CTNND2: variants seen among roughly 807,000 people sequenced by gnomAD.
The protein encoded by CTNND2 is catenin delta-2.
In CTNND2, 22 loss-of-function variants were observed where a neutral mutation model predicts 144.4. The observed-to-expected ratio is 0.15, with a 90% CI of 0.11 to 0.22. The LOEUF is 0.22. Among genes scored for constraint, CTNND2 ranks in the 10% least tolerant of loss-of-function variants. The probability of loss-of-function intolerance (pLI) is 1.00; values close to 1 mark genes in which losing one functional copy is unlikely to be tolerated. For synonymous variants in CTNND2, 751 were observed against 695.6 expected (o/e 1.08, Z -1.25); for missense variants, 1,353 against 1,618.8 (o/e 0.84, Z 2.82).
At chr5:11,664,043 G>C (rs2126578834) in intron 2 of CTNND2, among the ~76,000 whole-genome samples, 1 of 152,214 alleles carries the variant, frequency 6.6e-6, no homozygotes, top group South Asian at 2.1e-4. Context: ...CAAAGCTACA[G>C]GGAACTTAAC....
intron 1 of CTNND2, among the ~76,000 whole-genome samples, chr5:11,823,370 T>G (rs925219203): frequency 6.6e-6 from 1 of 152,214 alleles, no homozygotes; most frequent in African/African-American, 2.4e-5. Flanking sequence ...ACGAATTGTA[T>G]TGACTCAAAT....
At chr5:11,493,051 A>G (rs2149996561) in intron 3 of CTNND2, among the ~76,000 whole-genome samples, 1 of 152,278 alleles carries the variant, frequency 6.6e-6, no homozygotes, top group Non-Finnish European at 1.5e-5. Flanking sequence ...ACAGAGCTGC[A>G]GTGAGCCCAG....
chr5:11,779,913 G>C (rs1279839751), intron 1 of CTNND2, among the ~76,000 whole-genome samples: 2 of 152,132 alleles, frequency 1.3e-5, no homozygotes, highest in Non-Finnish European at 2.9e-5. Context: ...AGCACACACG[G>C]TAAAGCAAGG....
chr5:11,104,111 C>G (rs1752179883), intron 14 of CTNND2, among the ~76,000 whole-genome samples: 1 of 152,210 alleles, frequency 6.6e-6, no homozygotes, highest in African/African-American at 2.4e-5. Flanking sequence ...GCTGGCTTCA[C>G]CAGCGGAATG....
At chr5:11,347,374 T>C (rs530239633) in intron 8 of CTNND2, among the ~76,000 whole-genome samples, 2 of 152,350 alleles carry the variant, frequency 1.3e-5, no homozygotes, top group African/African-American at 4.8e-5. Flanking sequence ...ATCTTCTCAA[T>C]GTGTCTAAAT....
intron 3 of CTNND2, among the ~76,000 whole-genome samples, chr5:11,421,392 C>T (rs1419534426): frequency 1.3e-5 from 2 of 152,196 alleles, no homozygotes; most frequent in East Asian, 1.9e-4. Context: ...CCACTGAATA[C>T]AGCTTGCTCT....
At chr5:11,730,299 AT>A (rs1199376922) in intron 2 of CTNND2, among the ~76,000 whole-genome samples, 1 of 152,054 alleles carries the variant, frequency 6.6e-6, no homozygotes, top group South Asian at 2.1e-4. Flanking sequence ...TACAGTTACC[AT>A]TTTTTTCCCT....
At chr5:11,687,377 G>A (rs900405292) in intron 2 of CTNND2, among the ~76,000 whole-genome samples, 1 of 152,248 alleles carries the variant, frequency 6.6e-6, no homozygotes. Flanking sequence ...CATTTCCAGG[G>A]CCCCAGATAA....
chr5:11,605,282 A>C (rs1382229519), intron 2 of CTNND2, among the ~76,000 whole-genome samples: 1 of 152,230 alleles, frequency 6.6e-6, no homozygotes, highest in Non-Finnish European at 1.5e-5. Flanking sequence ...AATTATACAC[A>C]ATGACCACGT....
chr5:11,028,329 T>G (rs1743081192), intron 16 of CTNND2, among the ~76,000 whole-genome samples: 1 of 152,156 alleles, frequency 6.6e-6, no homozygotes, highest in African/African-American at 2.4e-5. Context: ...GATCTGTGGG[T>G]TTTTGCTGAG....
At chr5:11,866,167 G>A (rs992730985) in intron 1 of CTNND2, among the ~76,000 whole-genome samples, 11 of 152,160 alleles carry the variant, frequency 7.2e-5, no homozygotes, top group African/African-American at 2.4e-4. Flanking sequence ...GCCAGGTGCA[G>A]TGGCATATGC....
chr5:11,088,678 C>T (rs573402447), intron 15 of CTNND2, among the ~76,000 whole-genome samples: 26 of 152,030 alleles, frequency 1.7e-4, no homozygotes, highest in African/African-American at 6.3e-4. Context: ...TTGGAGGGGC[C>T]CTATTGATAA....
chr5:11,190,346 A>T (rs1483314360), intron 11 of CTNND2, among the ~76,000 whole-genome samples: 1 of 152,182 alleles, frequency 6.6e-6, no homozygotes, highest in Non-Finnish European at 1.5e-5. Flanking sequence ...CCACTTTGGG[A>T]TGAAAGGCCA....
intron 16 of CTNND2, among the ~76,000 whole-genome samples, chr5:11,039,859 C>T (rs186573690): frequency 2.6e-5 from 4 of 151,972 alleles, no homozygotes; most frequent in Non-Finnish European, 5.9e-5. Context: ...GTCAGGAGTT[C>T]GAGACCAGCT....
rs138687225 is a variant in CTNND2 at position 11,466,306 on chromosome 5, T to C, written c.288-54237A>G. 2.6e-3 allele frequency among the ~76,000 whole-genome samples: 389 copies of C among 152,342 alleles called. 4 individuals carry two copies. Among genetic ancestry groups the C allele is most frequent in the Non-Finnish European group, 4.1e-3 (280 of 68,032 alleles). Reference sequence around the variant, plus strand: ...TTAAATACAAAAGACTGTTCCATTGTACAGTCATTCACCTAAAAGGTAGCT... The same window carrying C: ...TTAAATACAAAAGACTGTTCCATTGCACAGTCATTCACCTAAAAGGTAGCT... On this transcript the variant is annotated intron_variant, in intron 3 of 21. Transcript: ENST00000304623.
At chr5:11,088,731 G>C (rs1168509199) in intron 15 of CTNND2, among the ~76,000 whole-genome samples, 1 of 151,674 alleles carries the variant, frequency 6.6e-6, no homozygotes, top group Non-Finnish European at 1.5e-5. Flanking sequence ...TTTTGCTGAA[G>C]TCTTAGGTAG....
chr5:11,064,143 G>A (rs1023022394), intron 16 of CTNND2, among the ~76,000 whole-genome samples: 35 of 152,256 alleles, frequency 2.3e-4, no homozygotes, highest in African/African-American at 7.9e-4. Flanking sequence ...GGCATTTATA[G>A]GAAGGTCAAG....
At chr5:11,394,610 G>C (rs1759909206) in intron 6 of CTNND2, among the ~76,000 whole-genome samples, 1 of 152,192 alleles carries the variant, frequency 6.6e-6, no homozygotes, top group South Asian at 2.1e-4. Context: ...CTAAGTCTCA[G>C]AAGAATGATT....
intron 3 of CTNND2, among the ~76,000 whole-genome samples, chr5:11,440,662 T>C (rs545252519): frequency 2.7e-4 from 41 of 152,330 alleles, no homozygotes; most frequent in African/African-American, 8.2e-4. Flanking sequence ...AATACCAGCA[T>C]TATAAAATAT....
Sources: allele counts gnomAD v4.1 joint callset (sites outside exome capture counted in the v4.1 genomes callset), GRCh38; gene constraint gnomAD v4.1.1; transcripts MANE v1.5; gene names NCBI Gene and HGNC (gene_info 2026-07-23, HGNC 2026-07-21).